The following TSC22D2 variants were observed in gnomAD, a reference collection of about 807,000 sequenced individuals.
The protein encoded by TSC22D2 is TSC22 domain family protein 2.
Under a neutral mutation model 50.1 loss-of-function variants are expected in TSC22D2, and 5 were observed. That is an observed-to-expected ratio of 0.10 (90% CI 0.05 to 0.21). The LOEUF (loss-of-function observed/expected upper bound fraction) is 0.21, where lower values mean the gene tolerates loss of function less well. Among genes scored for constraint, TSC22D2 ranks in the 10% least tolerant of loss-of-function variants. The pLI is 1.00. For missense variants in TSC22D2, 1,003 were observed against 1,015.5 expected, an observed-to-expected ratio of 0.99 and a Z score of 0.17; for synonymous variants, 501 against 450.1, an observed-to-expected ratio of 1.11 and a Z score of -1.43.
At chr3:150,422,112 GT>G (rs1036385882) in intron 1 of TSC22D2, among the ~76,000 whole-genome samples, 72 of 152,356 alleles carry the variant, frequency 4.7e-4, no homozygotes, top group African/African-American at 1.6e-3. Flanking sequence ...TTAGAATAGT[GT>G]GTGGTACCTA....
chr3:150,438,327 C>T (rs983391106), intron 1 of TSC22D2: 1 of 324,600 alleles, frequency 3.1e-6, no homozygotes, highest in Non-Finnish European at 6.7e-6. Context: ...GAATGTTGTC[C>T]ACAAGAGTGT....
intron 1 of TSC22D2, among the ~76,000 whole-genome samples, chr3:150,433,470 A>G (rs184560091): frequency 6.6e-6 from 1 of 152,364 alleles, no homozygotes; most frequent in Admixed American, 6.5e-5. Context: ...GAAGACAGAA[A>G]CATCTTTCTG....
At chr3:150,445,103 C>T (rs1374951617) in intron 1 of TSC22D2, among the ~76,000 whole-genome samples, 1 of 151,772 alleles carries the variant, frequency 6.6e-6, no homozygotes. Context: ...AAATTTCCCA[C>T]AGTAAGTTAA....
intron 1 of TSC22D2, among the ~76,000 whole-genome samples, chr3:150,456,265 G>A (rs766514507): frequency 4.0e-5 from 6 of 149,400 alleles, no homozygotes; most frequent in Non-Finnish European, 7.4e-5. Flanking sequence ...TCGGCTCACT[G>A]CAGCCTCTGC....
At position 150,459,586 on chromosome 3, in the gene TSC22D2, G is replaced by GTTTTTTTTTTTTTTT. The variant is rs1721314104; in HGVS notation, c.*951_*952insTTTTTTTTTTTTTTT. The GTTTTTTTTTTTTTTT allele has an allele frequency of 1.3e-5, 1 of 78,338 alleles. No individual in the cohort carries two copies. The highest frequency in any genetic ancestry group is 4.9e-5 in the African/African-American group (1 of 20,580). The allele number at this position is 78,338 out of a possible 1,614,324, so 4.9% of individuals were successfully genotyped here. On this transcript the variant is annotated 3_prime_UTR_variant, in exon 3 of 3. Coordinates refer to ENST00000688009, the MANE Select transcript of TSC22D2 (RefSeq NM_001303264.2). Reference sequence around the variant, plus strand: ...TTTTTTTTGTTGTTTTTTTTTTTTTGTCTTTTTTTTTTTTTATAATGCACA... The same window carrying GTTTTTTTTTTTTTTT: ...TTTTTTTTGTTGTTTTTTTTTTTTTGTTTTTTTTTTTTTTTTCTTTTTTTTTTTTTATAATGCACA...
intron 1 of TSC22D2, among the ~76,000 whole-genome samples, chr3:150,442,582 A>C (rs988606016): frequency 5.3e-5 from 8 of 152,232 alleles, no homozygotes; most frequent in African/African-American, 1.9e-4. Context: ...TGTTTACCAT[A>C]TGCCAGATAC....
intron 1 of TSC22D2, among the ~76,000 whole-genome samples, chr3:150,433,045 G>T (rs1296570887): frequency 6.6e-6 from 1 of 152,042 alleles, no homozygotes; most frequent in Non-Finnish European, 1.5e-5. Context: ...ACTTTAGTTG[G>T]CTACTTCTAA....
intron 1 of TSC22D2, among the ~76,000 whole-genome samples, chr3:150,454,800 A>G (rs1406912383): frequency 7.2e-5 from 11 of 152,238 alleles, no homozygotes; most frequent in Admixed American, 6.5e-4. Context: ...TTTAAGGGAT[A>G]CATCTTCATC....
intron 1 of TSC22D2, among the ~76,000 whole-genome samples, chr3:150,445,968 C>G (rs1423829338): frequency 1.3e-5 from 2 of 151,922 alleles, no homozygotes; most frequent in Non-Finnish European, 2.9e-5. Flanking sequence ...GTGGTGCACA[C>G]CTGTAGTCCC....
intron 1 of TSC22D2, among the ~76,000 whole-genome samples, chr3:150,416,448 T>A (rs1719806465): frequency 6.6e-6 from 1 of 152,158 alleles, no homozygotes; most frequent in Admixed American, 6.5e-5. Context: ...ACTCCTAAAT[T>A]AGAATAAATT....
rs776947340 is a variant in TSC22D2, at chr3:150,409,624, G to A, written c.274G>A (p.Gly92Arg). ...GTVSPNLLLD[G>R]QLAAAAAAPA... Reference sequence around the variant, plus strand: ...CGTCTCCCCAAACCTCCTCCTAGATGGGCAGCTGGCAGCGGCGGCTGCTGC... The same window carrying A: ...CGTCTCCCCAAACCTCCTCCTAGATAGGCAGCTGGCAGCGGCGGCTGCTGC... Residue 92 changes from glycine (G) to arginine (R), a missense_variant, in exon 1 of 3, where the codon GGG (glycine) becomes AGG (arginine). Physicochemically the swap from Gly to Arg is moderately radical, Grantham distance 125. This residue lies in a region of TSC22D2 where 200 missense variants were observed against 182.8 expected (regional missense o/e 1.09). Transcript: ENST00000688009. The surrounding 1 kb of genome is among the most constrained non-coding windows in gnomAD (Gnocchi z 7.4). 2.5e-6 allele frequency: 4 copies of A among 1,609,724 alleles called. No homozygotes were observed. The highest frequency in any genetic ancestry group is 2.7e-5 in the African/African-American group (2 of 74,870).
chr3:150,437,794 C>T (rs1009631358), intron 1 of TSC22D2, among the ~76,000 whole-genome samples: 1 of 151,724 alleles, frequency 6.6e-6, no homozygotes, highest in Non-Finnish European at 1.5e-5. Context: ...GGCGGCAGAG[C>T]GGGACTCCGT....
intron 1 of TSC22D2, among the ~76,000 whole-genome samples, chr3:150,454,134 GA>G (rs1300514659): frequency 1.3e-5 from 2 of 152,108 alleles, no homozygotes; most frequent in Non-Finnish European, 2.9e-5. Flanking sequence ...CCCCAGAAAG[GA>G]TGGAGTAATT....
intron 1 of TSC22D2, among the ~76,000 whole-genome samples, chr3:150,419,515 C>G (rs1719936428): frequency 6.6e-6 from 1 of 151,868 alleles, no homozygotes; most frequent in Non-Finnish European, 1.5e-5. Context: ...TCTCTGAAGT[C>G]GAATTTTGGC....
chr3:150,439,618 T>C (rs1720651651), intron 1 of TSC22D2, among the ~76,000 whole-genome samples: 1 of 152,182 alleles, frequency 6.6e-6, no homozygotes, highest in Admixed American at 6.5e-5. Context: ...TGTGAGATTT[T>C]GGGTAGAATT....
intron 1 of TSC22D2, among the ~76,000 whole-genome samples, chr3:150,448,965 C>T (rs1720962982): frequency 6.6e-6 from 1 of 151,456 alleles, no homozygotes; most frequent in Non-Finnish European, 1.5e-5. Flanking sequence ...TATTATAGAT[C>T]TTTACCACAA....
Position 150,436,216 on chromosome 3 carries a change from T to G in TSC22D2, c.1959-20860T>G, listed in dbSNP as rs576195491. On this transcript the variant is annotated intron_variant, in intron 1 of 2. Transcript: ENST00000688009. ...GTCCTGATTTAACCATATATTTGTGTAATGTATACACCCTTAAAATTTTTT... is the reference window on the plus strand; with the variant it reads ...GTCCTGATTTAACCATATATTTGTGGAATGTATACACCCTTAAAATTTTTT... 3.9e-5 allele frequency among the ~76,000 whole-genome samples: 6 copies of G among 152,320 alleles called. No individual in the cohort carries two copies. In the South Asian group the frequency reaches 1.2e-3, roughly 32 times the overall value.
intron 1 of TSC22D2, among the ~76,000 whole-genome samples, chr3:150,419,650 A>G (rs982929785): frequency 6.6e-6 from 1 of 152,124 alleles, no homozygotes; most frequent in African/African-American, 2.4e-5. Context: ...GTACTTAGTT[A>G]CCCTACAAAG....
chr3:150,410,375 C>A lies in TSC22D2; in HGVS notation c.1025C>A (p.Pro342Gln). 1 of 1,603,428 alleles carries A rather than the reference C, an allele frequency of 6.2e-7. No homozygotes were observed. The highest frequency in any genetic ancestry group is 8.5e-7 in the Non-Finnish European group (1 of 1,175,600). Residue 342 changes from proline (P) to glutamine (Q), a missense_variant, in exon 1 of 3, where the codon CCG becomes CAG. By Grantham distance (76) the Pro-to-Gln change is moderately conservative. Coordinates refer to ENST00000688009, the MANE Select transcript of TSC22D2 (RefSeq NM_001303264.2). ...AQPAMSLPPQ[P>Q]GPAVGAPAAQ... ...CCGGCTATGTCCCTGCCTCCGCAGCCGGGCCCTGCAGTGGGCGCCCCCGCG... is the reference window on the plus strand; with the variant it reads ...CCGGCTATGTCCCTGCCTCCGCAGCAGGGCCCTGCAGTGGGCGCCCCCGCG...
Sources: gnomAD v4.1 joint callset for allele counts (sites outside exome capture counted in the v4.1 genomes callset) on GRCh38, gnomAD v4.1.1 for gene constraint, gnomAD v4.1.1 regional missense constraint, Gnocchi (gnomAD v3.1) non-coding constraint, MANE v1.5 for transcripts, NCBI Gene and HGNC (gene_info 2026-07-23, HGNC 2026-07-21) for gene names.